Variants in CSNK2A1 observed in about 807,000 individuals in gnomAD.
CSNK2A1 encodes the protein casein kinase 2 alpha 1.
CSNK2A1 carries 10 observed loss-of-function variants against 62.9 expected under a neutral mutation model. The observed-to-expected ratio is 0.16, with a 90% CI of 0.10 to 0.27. The LOEUF is 0.27. Among genes scored for constraint, CSNK2A1 ranks in the 10% least tolerant of loss-of-function variants. The pLI, the probability that CSNK2A1 is intolerant of heterozygous loss-of-function variation, is 1.00. For missense variants in CSNK2A1, 160 were observed against 492.0 expected, an observed-to-expected ratio of 0.33 and a Z score of 6.38; for synonymous variants, 124 against 167.8, an observed-to-expected ratio of 0.74 and a Z score of 2.02.
At chr20:488,235 C>T (rs771514029) in intron 11 of CSNK2A1, 17 of 180,728 alleles carry the variant, frequency 9.4e-5, no homozygotes, top group Non-Finnish European at 1.8e-4. Flanking sequence ...CCAGGCTGGT[C>T]TCCAACTCCT....
chr20:520,336 C>T (rs1446892442), intron 2 of CSNK2A1, among the ~76,000 whole-genome samples: 2 of 151,978 alleles, frequency 1.3e-5, no homozygotes, highest in Non-Finnish European at 2.9e-5. Flanking sequence ...TATTACAAAG[C>T]TATAGTTGTC....
In CSNK2A1 at chr20:497,747, G is replaced by T; in HGVS notation, c.400C>A (p.Arg134=). 1 of 1,611,848 alleles carries T rather than the reference G, an allele frequency of 6.2e-7. No homozygotes were observed. The highest frequency in any genetic ancestry group is 1.1e-5 in the South Asian group (1 of 90,956). ...TTCAGAATCTCATACATGTAAAATCGAATATCATAGTCTGTTAACGTCTGG... is the reference window on the plus strand; with the variant it reads ...TTCAGAATCTCATACATGTAAAATCTAATATCATAGTCTGTTAACGTCTGG... ...LYQTLTDYDI[R]FYMYEILKAL... The change falls in exon 7 of 14, where the codon CGA becomes AGA. Residue 134 remains arginine (R), a synonymous_variant. Transcript: ENST00000217244.
rs1412197484 is a variant in CSNK2A1, at chr20:479,112, A to G, written c.*4849T>C. 1 of 152,366 alleles carries G rather than the reference A, an allele frequency of 6.6e-6. No individual in the cohort carries two copies. Among genetic ancestry groups the G allele is most frequent in the East Asian group, 1.9e-4 (1 of 5,194 alleles). 9.4% of individuals were successfully genotyped at this position (152,366 alleles called of 1,614,324 possible). A position where few individuals can be genotyped will look rare whatever the true frequency, so the allele number is the denominator to read the frequency against. On this transcript the variant is annotated 3_prime_UTR_variant, in exon 14 of 14. Transcript: ENST00000217244. ...AAAACCTGTCATGTTTAATGCTTGG[A>G]TATTTTTTCTTCTAGTAAAGACACT...
chr20:520,936 T>C (rs1225891555), intron 2 of CSNK2A1, among the ~76,000 whole-genome samples: 1 of 152,066 alleles, frequency 6.6e-6, no homozygotes, highest in Non-Finnish European at 1.5e-5. Context: ...CTCATGACTG[T>C]ATAATCCCAG....
chr20:517,944 C>T (rs897279344), intron 2 of CSNK2A1, among the ~76,000 whole-genome samples: 14 of 152,154 alleles, frequency 9.2e-5, no homozygotes, highest in African/African-American at 3.1e-4. Context: ...AATTCACAAG[C>T]TTTGGAATTC....
intron 2 of CSNK2A1, among the ~76,000 whole-genome samples, chr20:525,717 A>G (rs2019070630): frequency 6.6e-6 from 1 of 150,852 alleles, no homozygotes; most frequent in Non-Finnish European, 1.5e-5. Flanking sequence ...TAATGCCTGT[A>G]ATCCCAACAC....
intron 1 of CSNK2A1, among the ~76,000 whole-genome samples, chr20:528,266 T>G (rs1180719012): frequency 6.6e-6 from 1 of 152,212 alleles, no homozygotes; most frequent in Non-Finnish European, 1.5e-5. Flanking sequence ...GCAGGTTACA[T>G]AGCAGACAAC....
At chr20:524,669 G>A (rs1284190811) in intron 2 of CSNK2A1, among the ~76,000 whole-genome samples, 2 of 134,644 alleles carry the variant, frequency 1.5e-5, no homozygotes, top group Non-Finnish European at 3.1e-5. Flanking sequence ...GGTGGAGGTT[G>A]CAGTGGGCAC....
At chr20:490,304 G>A (rs1337443681) in intron 9 of CSNK2A1, among the ~76,000 whole-genome samples, 7 of 140,092 alleles carry the variant, frequency 5.0e-5, no homozygotes, top group Non-Finnish European at 9.0e-5. Flanking sequence ...TAGGATTACA[G>A]GCATGACCCA....
chr20:509,228 T>C (rs1434830384), intron 2 of CSNK2A1, among the ~76,000 whole-genome samples: 1 of 152,226 alleles, frequency 6.6e-6, no homozygotes, highest in Non-Finnish European at 1.5e-5. Flanking sequence ...CAGTAGAACC[T>C]TGATCACCAT....
rs34902417 is a variant in CSNK2A1 at position 529,190 on chromosome 20, ATT to A, written c.-226-1143_-226-1142del. ...CGGGCATGCACCACCACTCCTGGCT[ATT>A]TTTTTTTTTTTTTTGTAAAGAAGGT... On this transcript the variant is annotated intron_variant, in intron 1 of 13. Coordinates refer to ENST00000217244, the MANE Select transcript of CSNK2A1 (RefSeq NM_177559.3). 3.8e-4 allele frequency among the ~76,000 whole-genome samples: 52 copies of A among 137,112 alleles called. 1 individual carries two copies. The highest frequency in any genetic ancestry group is 1.3e-3 in the African/African-American group (48 of 36,964). 90.0% of individuals were successfully genotyped at this position (137,112 alleles called of 152,430 possible).
intron 2 of CSNK2A1, among the ~76,000 whole-genome samples, chr20:521,916 G>T (rs2018957360): frequency 6.6e-6 from 1 of 152,158 alleles, no homozygotes; most frequent in African/African-American, 2.4e-5. Flanking sequence ...AAGTGAAGAA[G>T]CCAGAAACAA....
At chr20:509,031 A>G (rs573833930) in intron 2 of CSNK2A1, among the ~76,000 whole-genome samples, 121 of 152,240 alleles carry the variant, frequency 7.9e-4, no homozygotes, top group Non-Finnish European at 1.4e-3. Context: ...TCTTTTCAGC[A>G]GCTTTCTGTA....
Position 486,414 on chromosome 20 carries a change from C to A in CSNK2A1, c.1022G>T (p.Gly341Val). 6.2e-7 allele frequency: 1 copy of A among 1,612,842 alleles called. No homozygotes were observed. The highest frequency in any genetic ancestry group is 8.5e-7 in the Non-Finnish European group (1 of 1,179,544). The change falls in exon 13 of 14, where the codon GGG (glycine) becomes GTG (valine). Residue 341 changes from glycine to valine, a missense_variant. By Grantham distance (109) the Gly-to-Val change is moderately radical. Coordinates refer to ENST00000217244, the MANE Select transcript of CSNK2A1 (RefSeq NM_177559.3). ...GGCGCTGCTGACGGGCGTACTGCCC[C>A]CTGGCATGCTAGATGAACCCATTCG... ...QARMGSSSMP[G>V]GSTPVSSANM...
chr20:519,284 A>G (rs981422045), intron 2 of CSNK2A1, among the ~76,000 whole-genome samples: 4 of 152,258 alleles, frequency 2.6e-5, no homozygotes, highest in African/African-American at 9.6e-5. Context: ...AGAATGGGAT[A>G]AAGGCAGTAA....
chr20:523,877 A>AAC (rs1555767934), intron 2 of CSNK2A1, among the ~76,000 whole-genome samples: 7 of 149,818 alleles, frequency 4.7e-5, no homozygotes, highest in African/African-American at 1.5e-4. Flanking sequence ...AAAAAAAAAA[A>AAC]AAAACTGTAG....
In CSNK2A1 at chr20:483,699, T is replaced by C. The variant is rs2018001189; in HGVS notation, c.*262A>G. 1 of 248,434 alleles carries C rather than the reference T, an allele frequency of 4.0e-6. No homozygotes were observed. Among genetic ancestry groups the C allele is most frequent in the South Asian group, 1.7e-4 (1 of 5,884 alleles). The allele number at this position is 248,434 out of a possible 1,614,324, so 15.4% of individuals were successfully genotyped here. A position where few individuals can be genotyped will look rare whatever the true frequency, so the allele number is the denominator to read the frequency against. ...AATTTGGGAGGGGAGAAAAAAAAAT[T>C]TGTCCATGAAATATTCCACCTGCAG... On this transcript the variant is annotated 3_prime_UTR_variant, in exon 14 of 14. Coordinates refer to ENST00000217244, the MANE Select transcript of CSNK2A1 (RefSeq NM_177559.3).
At chr20:485,097 A>ATAATAATAATAATAATAAT (rs2018054957) in intron 13 of CSNK2A1, among the ~76,000 whole-genome samples, 1 of 36,598 alleles carries the variant, frequency 2.7e-5, no homozygotes, top group African/African-American at 9.0e-5. Context: ...AAAAAAAAAA[A>ATAATAATAATAATAATAAT]AAAAAAAAAA....
At position 530,662 on chromosome 20, in the gene CSNK2A1, ACAGG is replaced by A. The variant is rs1454230124; in HGVS notation, c.-226-2617_-226-2614del. 3.3e-5 allele frequency among the ~76,000 whole-genome samples: 5 copies of A among 151,980 alleles called. No homozygotes were observed. In the East Asian group the frequency reaches 9.6e-4, roughly 29 times the overall value. On this transcript the variant is annotated intron_variant, in intron 1 of 13. Coordinates refer to ENST00000217244, the MANE Select transcript of CSNK2A1 (RefSeq NM_177559.3). ...TTAATTTTCTGCATTTTTAGTAGAG[ACAGG>A]GTTTCGCCATGTTGCCCAGGCTGGT...
Sources: allele counts gnomAD v4.1 joint callset (sites outside exome capture counted in the v4.1 genomes callset), GRCh38; gene constraint gnomAD v4.1.1; transcripts MANE v1.5; gene names NCBI Gene and HGNC (gene_info 2026-07-23, HGNC 2026-07-21).